KCNMA1: variants seen among roughly 807,000 people sequenced by gnomAD.
The protein encoded by KCNMA1 is potassium calcium-activated channel subfamily M alpha 1.
In KCNMA1, 29 loss-of-function variants were observed where a neutral mutation model predicts 140.0. That is an observed-to-expected ratio of 0.21 (90% confidence interval 0.15 to 0.28). The LOEUF (loss-of-function observed/expected upper bound fraction) is 0.28, where lower values mean the gene tolerates loss of function less well. KCNMA1 is among the 10% of genes least tolerant of loss of function. The probability of loss-of-function intolerance (pLI) is 1.00; values close to 1 mark genes in which losing one functional copy is unlikely to be tolerated. For synonymous variants in KCNMA1, 612 were observed against 611.9 expected, an observed-to-expected ratio of 1.00 and a Z score of 0.00; for missense variants, 880 against 1,602.2, an observed-to-expected ratio of 0.55 and a Z score of 7.70.
intron 1 of KCNMA1, among the ~76,000 whole-genome samples, chr10:77,571,175 A>G (rs1026978248): frequency 6.6e-6 from 1 of 152,176 alleles, no homozygotes; most frequent in African/African-American, 2.4e-5. Flanking sequence ...CATTGGAACT[A>G]TATCTGAAAC....
At chr10:77,506,251 G>A (rs2045771561) in intron 1 of KCNMA1, among the ~76,000 whole-genome samples, 1 of 152,118 alleles carries the variant, frequency 6.6e-6, no homozygotes. Flanking sequence ...ACCCTGATGG[G>A]CAGGTCCATG....
chr10:77,389,038 G>C (rs2095715020), intron 2 of KCNMA1, among the ~76,000 whole-genome samples: 1 of 152,176 alleles, frequency 6.6e-6, no homozygotes. Flanking sequence ...GAGGCAAGGG[G>C]GAGTCTTTGC....
intron 1 of KCNMA1, among the ~76,000 whole-genome samples, chr10:77,569,782 C>T (rs2070165251): frequency 6.6e-6 from 1 of 152,094 alleles, no homozygotes; most frequent in Admixed American, 6.6e-5. Context: ...AAGAAATTAC[C>T]ATCAGAGTGA....
chr10:77,370,533 T>G (rs1313349756), intron 2 of KCNMA1, among the ~76,000 whole-genome samples: 1 of 152,198 alleles, frequency 6.6e-6, no homozygotes, highest in Non-Finnish European at 1.5e-5. Flanking sequence ...TGTTTGAAAT[T>G]AAACATCCAA....
At chr10:77,191,739 A>G (rs780912607) in intron 3 of KCNMA1, among the ~76,000 whole-genome samples, 6 of 152,054 alleles carry the variant, frequency 3.9e-5, no homozygotes, top group African/African-American at 1.2e-4. Context: ...ATCTTAAAAC[A>G]TTTTTCTTAG....
intron 3 of KCNMA1, among the ~76,000 whole-genome samples, chr10:77,230,071 A>G (rs1451995507): frequency 2.0e-5 from 3 of 152,270 alleles, no homozygotes; most frequent in Non-Finnish European, 4.4e-5. Context: ...TGGATAAACA[A>G]AATGTGTGGC....
At chr10:77,152,776 G>A (rs1196240497) in intron 5 of KCNMA1, among the ~76,000 whole-genome samples, 2 of 152,206 alleles carry the variant, frequency 1.3e-5, no homozygotes, top group East Asian at 3.9e-4. Context: ...TGCACTACAG[G>A]TAAGGGCAAG....
intron 2 of KCNMA1, among the ~76,000 whole-genome samples, chr10:77,252,265 G>A (rs1377408104): frequency 6.6e-6 from 1 of 152,172 alleles, no homozygotes; most frequent in African/African-American, 2.4e-5. Context: ...GACTATTAAT[G>A]CAAATAAAGG....
chr10:77,375,460 C>A (rs114724279), intron 2 of KCNMA1, among the ~76,000 whole-genome samples: 2 of 152,196 alleles, frequency 1.3e-5, no homozygotes, highest in Non-Finnish European at 2.9e-5. Flanking sequence ...GGAATTCACG[C>A]GGCTGTTAAT....
chr10:77,612,019 C>T (rs1294819400), intron 1 of KCNMA1, among the ~76,000 whole-genome samples: 1 of 152,156 alleles, frequency 6.6e-6, no homozygotes, highest in Non-Finnish European at 1.5e-5. Context: ...TAAAGGAGTC[C>T]AGAGAAGAAA....
chr10:77,423,259 C>T (rs2096906089), intron 1 of KCNMA1, among the ~76,000 whole-genome samples: 1 of 152,102 alleles, frequency 6.6e-6, no homozygotes, highest in African/African-American at 2.4e-5. Context: ...TTGGCTTTGC[C>T]CTATCTTGGG....
intron 3 of KCNMA1, among the ~76,000 whole-genome samples, chr10:77,194,314 T>C (rs1377065636): frequency 6.6e-6 from 1 of 152,236 alleles, no homozygotes. Context: ...GGGACTTCTT[T>C]GGGCTGTTAC....
rs192884293 is a variant in KCNMA1 at position 77,481,874 on chromosome 10, T to C, written c.379-77851A>G. Among the ~76,000 whole-genome samples, 194 of 151,856 alleles carry C rather than the reference T, an allele frequency of 1.3e-3. 1 individual carries two copies. The highest frequency in any genetic ancestry group is 4.0e-3 in the African/African-American group (167 of 41,418). On this transcript the variant is annotated intron_variant, in intron 1 of 27. Coordinates refer to ENST00000286628, the MANE Select transcript of KCNMA1 (RefSeq NM_001161352.2). ...CTTGTAAGTGAGGTAGTATTATCAT[T>C]ATTATCCCCATTTTACAGGTAAGAA...
chr10:77,048,477 T>C (rs1415721131), intron 14 of KCNMA1, among the ~76,000 whole-genome samples: 1 of 152,154 alleles, frequency 6.6e-6, no homozygotes, highest in African/African-American at 2.4e-5. Context: ...GCAGGTGTTA[T>C]CTGAAACAAA....
chr10:77,286,753 GT>G (rs2071019633), intron 2 of KCNMA1, among the ~76,000 whole-genome samples: 2 of 24,376 alleles, frequency 8.2e-5, no homozygotes, highest in Non-Finnish European at 2.1e-4. Flanking sequence ...TAGGGACGGT[GT>G]GTGTGTGTGT....
At chr10:77,399,056 C>T (rs1006284583) in intron 2 of KCNMA1, among the ~76,000 whole-genome samples, 1 of 152,090 alleles carries the variant, frequency 6.6e-6, no homozygotes, top group Admixed American at 6.5e-5. Flanking sequence ...ACACAGAGCG[C>T]AAACCTGAGC....
At chr10:77,442,439 C>T (rs2097427148) in intron 1 of KCNMA1, among the ~76,000 whole-genome samples, 1 of 152,072 alleles carries the variant, frequency 6.6e-6, no homozygotes, top group African/African-American at 2.4e-5. Flanking sequence ...TTCTCCCTAC[C>T]CCTAATCTTA....
chr10:77,274,104 C>T (rs2065944967), intron 2 of KCNMA1, among the ~76,000 whole-genome samples: 1 of 152,098 alleles, frequency 6.6e-6, no homozygotes, highest in South Asian at 2.1e-4. Flanking sequence ...TCCCTCTTGC[C>T]ACTGTTTACC....
At chr10:77,187,821 C>T (rs1299843498) in intron 3 of KCNMA1, among the ~76,000 whole-genome samples, 1 of 152,062 alleles carries the variant, frequency 6.6e-6, no homozygotes, top group African/African-American at 2.4e-5. Flanking sequence ...TTTATCAGAT[C>T]CCCTCTGAGA....
Sources: allele counts gnomAD v4.1 joint callset (sites outside exome capture counted in the v4.1 genomes callset), GRCh38; gene constraint gnomAD v4.1.1; transcripts MANE v1.5; gene names NCBI Gene and HGNC (gene_info 2026-07-23, HGNC 2026-07-21).